Variants in SEC14L1 observed in about 807,000 individuals in gnomAD.
The protein encoded by SEC14L1 is SEC14-like protein 1.
SEC14L1 carries 48 observed loss-of-function variants against 85.3 expected under a neutral mutation model. The observed-to-expected ratio is 0.56, with a 90% CI of 0.45 to 0.72. The LOEUF is 0.72. Among genes scored for constraint, SEC14L1 ranks in the 30% least tolerant of loss-of-function variants. The pLI is 0.00. For synonymous variants in SEC14L1, 391 were observed against 355.5 expected (o/e 1.10, Z -1.12); for missense variants, 682 against 921.4 (o/e 0.74, Z 3.36).
intron 3 of SEC14L1, among the ~76,000 whole-genome samples, chr17:77,187,947 G>A (rs1975345421): frequency 6.6e-6 from 1 of 151,974 alleles, no homozygotes; most frequent in Non-Finnish European, 1.5e-5. Context: ...GTTATGCTAT[G>A]TTGCCTAGGC....
chr17:77,143,098 A>G (rs1427378174), intron 2 of SEC14L1, among the ~76,000 whole-genome samples: 2 of 135,668 alleles, frequency 1.5e-5, no homozygotes, highest in African/African-American at 2.6e-5. Flanking sequence ...TTTGAGATAC[A>G]GTAGTATTTT....
At chr17:77,190,481 G>A (rs1245055953) in intron 3 of SEC14L1, among the ~76,000 whole-genome samples, 2 of 151,828 alleles carry the variant, frequency 1.3e-5, no homozygotes, top group African/African-American at 2.4e-5. Context: ...TTTCAAAATC[G>A]TTTTAGTTGT....
rs755965082 is a variant in SEC14L1 at position 77,194,728 on chromosome 17, A to G, written c.526A>G (p.Thr176Ala). The G allele has an allele frequency of 6.2e-7, 1 of 1,614,240 alleles. No homozygotes were observed. The highest frequency in any genetic ancestry group is 1.7e-5 in the Admixed American group (1 of 60,036). ...YLRQLEEEGI[T>A]FVPRWSPPSI... ...TCGCCAATTAGAAGAAGAAGGCATAACCTTTGTGCCCCGTTGGAGTCCGCC... is the reference window on the plus strand; with the variant it reads ...TCGCCAATTAGAAGAAGAAGGCATAGCCTTTGTGCCCCGTTGGAGTCCGCC... Residue 176 changes from threonine (T) to alanine (A), a missense_variant, in exon 7 of 17, where the codon ACC (threonine) becomes GCC (alanine). Physicochemically the swap from Thr to Ala is moderately conservative, Grantham distance 58. Around this residue, in one of 3 missense-constraint regions of SEC14L1, gnomAD observed 123 missense variants for 100.6 expected, o/e 1.22. Coordinates refer to ENST00000436233, the MANE Select transcript of SEC14L1 (RefSeq NM_001143998.2).
chr17:77,146,222 T>G (rs925046808), intron 3 of SEC14L1, among the ~76,000 whole-genome samples: 1 of 151,938 alleles, frequency 6.6e-6, no homozygotes, highest in African/African-American at 2.4e-5. Flanking sequence ...CATCGCCAGG[T>G]AAAGTAGAGT....
chr17:77,183,100 A>T (rs1056430976), intron 3 of SEC14L1, among the ~76,000 whole-genome samples: 31 of 152,268 alleles, frequency 2.0e-4, no homozygotes, highest in African/African-American at 7.0e-4. Flanking sequence ...TGCAAAAGAC[A>T]ATAAAAACTG....
intron 3 of SEC14L1, among the ~76,000 whole-genome samples, chr17:77,098,525 C>T (rs1444308431): frequency 6.6e-6 from 1 of 151,982 alleles, no homozygotes; most frequent in African/African-American, 2.4e-5. Context: ...CCTGTTCCTA[C>T]ACATTGGCCC....
At chr17:77,118,168 C>T (rs1972220190) in intron 3 of SEC14L1, among the ~76,000 whole-genome samples, 2 of 152,364 alleles carry the variant, frequency 1.3e-5, no homozygotes, top group East Asian at 1.9e-4. Context: ...AGGGTGAGTG[C>T]GGCAGGCCGC....
chr17:77,205,186 T>C (rs900693088), intron 10 of SEC14L1, 90 bp from the exon 11 acceptor site: 8 of 1,087,562 alleles, frequency 7.4e-6, no homozygotes, highest in Non-Finnish European at 1.1e-5. Flanking sequence ...TTATCTGTAA[T>C]ACGCTGTTAG....
chr17:77,182,852 G>T (rs1217959452), intron 3 of SEC14L1, among the ~76,000 whole-genome samples: 3 of 152,224 alleles, frequency 2.0e-5, no homozygotes. Context: ...TTTAAAAATA[G>T]AGAAGCTTTC....
intron 8 of SEC14L1, among the ~76,000 whole-genome samples, chr17:77,200,159 C>A (rs1355860864): frequency 6.6e-6 from 1 of 152,150 alleles, no homozygotes. Flanking sequence ...GAATAAGAGT[C>A]CCTGTCTCCA....
intron 3 of SEC14L1, among the ~76,000 whole-genome samples, chr17:77,177,728 T>A (rs1383222767): frequency 1.3e-5 from 2 of 152,190 alleles, no homozygotes; most frequent in African/African-American, 4.8e-5. Flanking sequence ...TTTTAGCAGA[T>A]GATTATTTTT....
At chr17:77,174,077 TTTTA>T (rs369883613) in intron 3 of SEC14L1, among the ~76,000 whole-genome samples, 63 of 152,100 alleles carry the variant, frequency 4.1e-4, no homozygotes, top group Admixed American at 9.8e-4. Flanking sequence ...ATTTTTTGTA[TTTTA>T]TTTATTTATT....
rs577768544 is a variant in SEC14L1 at position 77,162,159 on chromosome 17, C to T, written c.63+18500C>T. Among the ~76,000 whole-genome samples, 61 of 151,852 alleles carry T rather than the reference C, an allele frequency of 4.0e-4. 1 individual carries two copies. The highest frequency in any genetic ancestry group is 2.7e-3 in the South Asian group (13 of 4,810). ...TGCACCGGACCCCAGTCCTGGCGCT[C>T]GGCGGGGGAGGGACCGGCTCTCTGA... On this transcript the variant is annotated intron_variant, in intron 3 of 16. Coordinates refer to ENST00000436233, the MANE Select transcript of SEC14L1 (RefSeq NM_001143998.2).
intron 6 of SEC14L1, among the ~76,000 whole-genome samples, chr17:77,194,339 G>A (rs971129536): frequency 1.3e-5 from 2 of 152,108 alleles, no homozygotes; most frequent in South Asian, 2.1e-4. Context: ...CAGATTGCTC[G>A]AGCCCAAGAG....
Position 77,214,364 on chromosome 17 carries a change from C to G in SEC14L1, c.*341C>G. The G allele has an allele frequency of 9.4e-7, 1 of 1,061,906 alleles. No individual in the cohort carries two copies. The highest frequency in any genetic ancestry group is 1.7e-5 in the African/African-American group (1 of 59,882). The allele number at this position is 1,061,906 out of a possible 1,614,324, so 65.8% of individuals were successfully genotyped here. A position where few individuals can be genotyped will look rare whatever the true frequency, so the allele number is the denominator to read the frequency against. ...TGCAAAAAATTTTTCCAACGAACTCCGCATTGTCCATTAGTGAATGAATTC... is the reference window on the plus strand; with the variant it reads ...TGCAAAAAATTTTTCCAACGAACTCGGCATTGTCCATTAGTGAATGAATTC... On this transcript the variant is annotated 3_prime_UTR_variant, in exon 17 of 17. Transcript: ENST00000436233.
chr17:77,174,443 G>T (rs779314026), intron 3 of SEC14L1, among the ~76,000 whole-genome samples: 3 of 152,138 alleles, frequency 2.0e-5, no homozygotes, highest in African/African-American at 7.2e-5. Flanking sequence ...TCAATTGTGC[G>T]TCTCATTCAC....
At chr17:77,090,793 C>T (rs373200931) in intron 2 of SEC14L1, among the ~76,000 whole-genome samples, 36 of 152,054 alleles carry the variant, frequency 2.4e-4, no homozygotes, top group African/African-American at 8.0e-4. Flanking sequence ...AGTTCAAGAT[C>T]AGCCTGGGTA....
At position 77,202,793 on chromosome 17, in the gene SEC14L1, G is replaced by A. The variant is rs540806862; in HGVS notation, c.1010-777G>A. The stretch of plus-strand genomic sequence containing the variant: ...AAATTAGCCGGGCATGGCAGCGTGC[G>A]CCTGTAGTTCCAGCTACTTGGGAGG... On this transcript the variant is annotated intron_variant, in intron 9 of 16. Transcript: ENST00000436233. Among the ~76,000 whole-genome samples the A allele has an allele frequency of 3.8e-3, 570 of 151,218 alleles. 5 individuals carry two copies. Among genetic ancestry groups the A allele is most frequent in the African/African-American group, 0.013 (545 of 41,120 alleles).
At chr17:77,168,588 C>G (rs1974391837) in intron 3 of SEC14L1, among the ~76,000 whole-genome samples, 1 of 152,214 alleles carries the variant, frequency 6.6e-6, no homozygotes, top group Non-Finnish European at 1.5e-5. Context: ...GAATTTTTGG[C>G]TAACTTATCT....
Sources: gnomAD v4.1 joint callset for allele counts (sites outside exome capture counted in the v4.1 genomes callset) on GRCh38, gnomAD v4.1.1 for gene constraint, gnomAD v4.1.1 regional missense constraint, MANE v1.5 for transcripts, NCBI Gene and HGNC (gene_info 2026-07-23, HGNC 2026-07-21) for gene names.